TINAG: variants seen among roughly 807,000 people sequenced by gnomAD.
TINAG encodes the protein tubulointerstitial nephritis antigen.
Under a neutral mutation model 72.7 loss-of-function variants are expected in TINAG, and 83 were observed. The observed-to-expected ratio is 1.14, with a 90% CI of 0.96 to 1.37. The LOEUF is 1.37. Ranked by LOEUF, TINAG falls within the 40% of genes most tolerant of loss-of-function variation. The pLI, the probability that TINAG is intolerant of heterozygous loss-of-function variation, is 0.00. For synonymous variants in TINAG, 234 were observed against 189.9 expected (o/e 1.23, Z -1.91); for missense variants, 685 against 576.6 (o/e 1.19, Z -1.93).
chr6:54,309,493 C>G (rs1437955134), intron 1 of TINAG, among the ~76,000 whole-genome samples: 1 of 152,032 alleles, frequency 6.6e-6, no homozygotes, highest in African/African-American at 2.4e-5. Flanking sequence ...CAGTCTGGGA[C>G]TTTTACAATT....
intron 9 of TINAG, among the ~76,000 whole-genome samples, chr6:54,371,772 C>T (rs538447118): frequency 8.6e-5 from 13 of 151,986 alleles, no homozygotes; most frequent in Admixed American, 7.9e-4. Context: ...TTACACTTAA[C>T]CTCTATTGGA....
At chr6:54,341,649 T>C (rs1001607539) in intron 4 of TINAG, among the ~76,000 whole-genome samples, 3 of 152,206 alleles carry the variant, frequency 2.0e-5, no homozygotes, top group African/African-American at 4.8e-5. Context: ...GTTTTAATCT[T>C]GGAAGCTATT....
At chr6:54,322,523 A>T (rs1784516430) in intron 3 of TINAG, among the ~76,000 whole-genome samples, 1 of 152,228 alleles carries the variant, frequency 6.6e-6, no homozygotes, top group Non-Finnish European at 1.5e-5. Flanking sequence ...AAGATCTATT[A>T]TCAAGCAATT....
chr6:54,371,981 G>GTTTTTTTTT (rs576340253), intron 9 of TINAG, among the ~76,000 whole-genome samples: 4 of 71,432 alleles, frequency 5.6e-5, no homozygotes, highest in Middle Eastern at 0.011. Context: ...TTCAAGTCAT[G>GTTTTTTTTT]TTTTTTTTTT....
In TINAG at chr6:54,326,792, T is replaced by G; in HGVS notation, c.510-10T>G. 1 of 1,578,974 alleles carries G rather than the reference T, an allele frequency of 6.3e-7. No individual in the cohort carries two copies. The highest frequency in any genetic ancestry group is 8.6e-7 in the Non-Finnish European group (1 of 1,165,972). On this transcript the variant is annotated splice_polypyrimidine_tract_variant and intron_variant, in intron 3 of 10. Transcript: ENST00000259782. ...TATTTTTCTATATTTTTCTCTCATT[T>G]GTAAGGCAGATGGACAGCACAGAAT...
At chr6:54,315,744 G>C (rs1286050136) in intron 1 of TINAG, among the ~76,000 whole-genome samples, 1 of 151,870 alleles carries the variant, frequency 6.6e-6, no homozygotes. Flanking sequence ...GTTGAAAACA[G>C]AGCTCGAGTG....
chr6:54,377,959 G>A (rs997114719), intron 9 of TINAG, among the ~76,000 whole-genome samples: 4 of 151,914 alleles, frequency 2.6e-5, no homozygotes, highest in African/African-American at 4.8e-5. Flanking sequence ...GAAAGAACCC[G>A]CAGATCTATT....
chr6:54,314,589 C>A (rs1353903685), intron 1 of TINAG, among the ~76,000 whole-genome samples: 1 of 151,960 alleles, frequency 6.6e-6, no homozygotes, highest in East Asian at 1.9e-4. Context: ...GCAATCTCTG[C>A]CAAAAATTAA....
At chr6:54,389,699 G>C (rs1764192866) in intron 10 of TINAG, 92 bp from the exon 11 acceptor site, 2 of 1,413,162 alleles carry the variant, frequency 1.4e-6, no homozygotes, top group Admixed American at 2.4e-5. Context: ...TAAATCAAAG[G>C]CATTTAAAGT....
At chr6:54,313,468 C>T (rs1295559203) in intron 1 of TINAG, among the ~76,000 whole-genome samples, 1 of 152,178 alleles carries the variant, frequency 6.6e-6, no homozygotes, top group Non-Finnish European at 1.5e-5. Context: ...TACTCTTCCT[C>T]CTCCTTACAA....
At chr6:54,320,784 C>T in intron 2 of TINAG, 142 bp downstream of exon 2, 1 of 575,662 alleles carries the variant, frequency 1.7e-6, no homozygotes. Flanking sequence ...GTACCTGTAA[C>T]TTTGTATAAG....
chr6:54,360,237 C>G (rs1763182190), intron 9 of TINAG, among the ~76,000 whole-genome samples: 1 of 151,554 alleles, frequency 6.6e-6, no homozygotes, highest in South Asian at 2.1e-4. Flanking sequence ...CTTATTTCCC[C>G]CCTCTCTCTT....
At position 54,347,589 on chromosome 6, in the gene TINAG, T is replaced by C. The variant is rs1785156788; in HGVS notation, c.899+72T>C. 13 of 1,509,264 alleles carry C rather than the reference T, an allele frequency of 8.6e-6. No homozygotes were observed. In the South Asian group the frequency reaches 1.7e-4, roughly 20 times the overall value. The allele number at this position is 1,509,264 out of a possible 1,614,324, so 93.5% of individuals were successfully genotyped here. A position where few individuals can be genotyped will look rare whatever the true frequency, so the allele number is the denominator to read the frequency against. On this transcript the variant is annotated intron_variant, in intron 6 of 10. Coordinates refer to ENST00000259782, the MANE Select transcript of TINAG (RefSeq NM_014464.4). ...CATTGTGTTAGAACAAGGAAAATAA[T>C]CCCAAGATTTTTACAAAAAAGTACT... is the stretch of plus-strand genomic sequence containing the variant.
chr6:54,311,576 G>A (rs549854903), intron 1 of TINAG, among the ~76,000 whole-genome samples: 14 of 152,264 alleles, frequency 9.2e-5, no homozygotes, highest in African/African-American at 3.1e-4. Flanking sequence ...TCAGTAAAAC[G>A]TGATTTCTCA....
intron 10 of TINAG, among the ~76,000 whole-genome samples, chr6:54,389,370 G>A (rs1764182496): frequency 6.6e-6 from 1 of 152,080 alleles, no homozygotes. Flanking sequence ...TTTCACCTTA[G>A]CACTTGCCTT....
chr6:54,379,134 A>T (rs959220952), intron 9 of TINAG, among the ~76,000 whole-genome samples: 2 of 152,174 alleles, frequency 1.3e-5, no homozygotes, highest in African/African-American at 4.8e-5. Flanking sequence ...TGGAAGTTTG[A>T]ATATTAGGTT....
chr6:54,326,947 A>G (rs748821949), intron 4 of TINAG, 31 bp downstream of exon 4: 2 of 1,612,772 alleles, frequency 1.2e-6, no homozygotes, highest in Non-Finnish European at 8.5e-7. Context: ...ACGTATGTGC[A>G]TGTATTTGTA....
intron 10 of TINAG, among the ~76,000 whole-genome samples, chr6:54,384,598 T>C (rs1053360737): frequency 6.6e-6 from 1 of 152,096 alleles, no homozygotes; most frequent in African/African-American, 2.4e-5. Context: ...ATATTGATAA[T>C]GATGAAGATA....
intron 9 of TINAG, among the ~76,000 whole-genome samples, chr6:54,372,753 TATATATATA>T (rs1261094048): frequency 0.06 from 1,394 of 23,312 alleles, 23 homozygotes; most frequent in Middle Eastern, 0.19. Flanking sequence ...TATATATATA[TATATATATA>T]TATATATATA....
Sources: allele counts gnomAD v4.1 joint callset (sites outside exome capture counted in the v4.1 genomes callset), GRCh38; gene constraint gnomAD v4.1.1; transcripts MANE v1.5; gene names NCBI Gene and HGNC (gene_info 2026-07-23, HGNC 2026-07-21).